PDE1C: variants seen among roughly 807,000 people sequenced by gnomAD.
PDE1C encodes dual specificity calcium/calmodulin-dependent 3',5'-cyclic nucleotide phosphodiesterase 1C.
A neutral mutation model predicts 93.1 loss-of-function variants in PDE1C; 62 were observed. The observed-to-expected ratio is 0.67, with a 90% CI of 0.54 to 0.82. The LOEUF (loss-of-function observed/expected upper bound fraction) is 0.82. PDE1C is among the 40% of genes least tolerant of loss of function. PDE1C has a pLI of 0.00. For synonymous variants in PDE1C, 325 were observed against 310.1 expected (o/e 1.05, Z -0.50); for missense variants, 742 against 884.6 (o/e 0.84, Z 2.04).
At chr7:32,151,689 C>A (rs867252307) in intron 3 of PDE1C, among the ~76,000 whole-genome samples, 1 of 152,078 alleles carries the variant, frequency 6.6e-6, no homozygotes, top group African/African-American at 2.4e-5. Flanking sequence ...CTAGAAAATG[C>A]AAACTAATCT....
At chr7:31,923,147 A>G (rs1235628558) in intron 2 of PDE1C, among the ~76,000 whole-genome samples, 2 of 152,192 alleles carry the variant, frequency 1.3e-5, no homozygotes, top group Admixed American at 6.5e-5. Flanking sequence ...GAAAACATAC[A>G]GAGGTCTTCA....
chr7:31,816,850 G>A (rs918403488), intron 14 of PDE1C, among the ~76,000 whole-genome samples: 6 of 147,208 alleles, frequency 4.1e-5, no homozygotes, highest in African/African-American at 1.5e-4. Context: ...TACCTGGTCT[G>A]TGTCTTTCCT....
Position 31,879,046 on chromosome 7 carries a change from G to C in PDE1C, c.375C>G (p.Pro125=), listed in dbSNP as rs374334951. The C allele has an allele frequency of 4.3e-6, 7 of 1,614,096 alleles. No homozygotes were observed. The highest frequency in any genetic ancestry group is 8.5e-7 in the Non-Finnish European group (1 of 1,180,008). Residue 125 remains proline, a synonymous_variant, in exon 4 of 18, where the codon CCC becomes CCG. Coordinates refer to ENST00000396191, the MANE Select transcript of PDE1C (RefSeq NM_001191057.4). ...CTGCGTGAACGATGCTCTTGAACCG[G>C]GGCTTCTCGTCGCTCCTCCTGAGCA... ...GMMLRRSDEK[P]RFKSIVHAVQ...
chr7:32,273,549 T>C (rs1233114380), intron 1 of PDE1C, among the ~76,000 whole-genome samples: 1 of 152,188 alleles, frequency 6.6e-6, no homozygotes. Flanking sequence ...ACTTCCTTCA[T>C]GGTTCCTTGC....
chr7:32,314,849 C>T (rs1313508242), intron 1 of PDE1C, among the ~76,000 whole-genome samples: 1 of 151,930 alleles, frequency 6.6e-6, no homozygotes, highest in Non-Finnish European at 1.5e-5. Context: ...GAGACATGCT[C>T]CTCCATCTGT....
chr7:32,147,388 T>C (rs1482272729), intron 3 of PDE1C, among the ~76,000 whole-genome samples: 1 of 152,070 alleles, frequency 6.6e-6, no homozygotes, highest in Non-Finnish European at 1.5e-5. Flanking sequence ...TTGGGAAAAA[T>C]ATCAGTGGCC....
intron 4 of PDE1C, among the ~76,000 whole-genome samples, chr7:31,878,312 T>C (rs1775935316): frequency 1.3e-5 from 2 of 152,174 alleles, no homozygotes; most frequent in African/African-American, 4.8e-5. Flanking sequence ...ATGGGTCACT[T>C]CTTCCGCCAG....
rs940495344 is a variant in PDE1C at position 32,155,629 on chromosome 7, G to A, written c.308+14156C>T. ...GCACCTTCCAAGCATTGAGCAGGAT[G>A]CTGACACTGAATCATATCACTTGCA... is the stretch of plus-strand genomic sequence containing the variant. On this transcript the variant is annotated intron_variant, in intron 3 of 18. Coordinates refer to the PDE1C transcript ENST00000396193. 3.9e-5 allele frequency among the ~76,000 whole-genome samples: 6 copies of A among 152,318 alleles called. No individual in the cohort carries two copies. In the East Asian group the frequency reaches 1.2e-3, roughly 29 times the overall value.
chr7:31,890,582 C>T (rs1183696849), intron 2 of PDE1C, among the ~76,000 whole-genome samples: 1 of 152,120 alleles, frequency 6.6e-6, no homozygotes, highest in East Asian at 1.9e-4. Context: ...GTATGATTAT[C>T]CAGAGGAGCT....
intron 2 of PDE1C, among the ~76,000 whole-genome samples, chr7:32,185,434 G>A (rs529966534): frequency 6.6e-6 from 1 of 152,010 alleles, no homozygotes; most frequent in South Asian, 2.1e-4. Context: ...TTTATCCTGG[G>A]AATAGTCTAT....
the PDE1C span, among the ~76,000 whole-genome samples, chr7:31,685,460 G>C: frequency 2.0e-5 from 3 of 152,188 alleles, no homozygotes; most frequent in Non-Finnish European, 4.4e-5. Context: ...ACGACATGTA[G>C]ATCTATTACC....
chr7:31,875,040 T>A (rs1796369594), intron 5 of PDE1C, among the ~76,000 whole-genome samples: 1 of 152,170 alleles, frequency 6.6e-6, no homozygotes, highest in African/African-American at 2.4e-5. Flanking sequence ...CCCTTTAATA[T>A]CCCACTAGGG....
chr7:31,750,495 C>T (rs1238300727), downstream of PDE1C, among the ~76,000 whole-genome samples: 1 of 152,220 alleles, frequency 6.6e-6, no homozygotes, highest in Non-Finnish European at 1.5e-5. Flanking sequence ...TTTTACCATA[C>T]TCCACTCTCT....
At chr7:31,739,690 G>C in the PDE1C span, among the ~76,000 whole-genome samples, 1 of 152,056 alleles carries the variant, frequency 6.6e-6, no homozygotes, top group Non-Finnish European at 1.5e-5. Flanking sequence ...TCCTCCTTAT[G>C]GTCACGTAGA....
At chr7:32,338,250 A>G (rs957496663) in intron 1 of PDE1C, among the ~76,000 whole-genome samples, 4 of 152,204 alleles carry the variant, frequency 2.6e-5, no homozygotes, top group African/African-American at 9.6e-5. Flanking sequence ...GACTATATGA[A>G]GAGCTCCTAC....
At chr7:31,676,684 G>T in the PDE1C span, among the ~76,000 whole-genome samples, 22 of 152,016 alleles carry the variant, frequency 1.4e-4, 1 homozygote, top group South Asian at 4.6e-3. Flanking sequence ...CCAAAGGAAG[G>T]AACTAATAAG....
At chr7:32,194,640 T>G (rs1235468938) in intron 2 of PDE1C, among the ~76,000 whole-genome samples, 1 of 152,242 alleles carries the variant, frequency 6.6e-6, no homozygotes, top group East Asian at 1.9e-4. Flanking sequence ...AATGTTTGCA[T>G]GAGCTGTCAA....
At chr7:32,336,040 C>A (rs1233619976) in intron 1 of PDE1C, among the ~76,000 whole-genome samples, 1 of 152,156 alleles carries the variant, frequency 6.6e-6, no homozygotes, top group Non-Finnish European at 1.5e-5. Flanking sequence ...ATCTGAGATA[C>A]TGGGAGTTAG....
exon 3 of PDE1C, chr7:32,169,799 C>A (rs777690608): frequency 7.4e-6 from 12 of 1,612,432 alleles, no homozygotes; most frequent in African/African-American, 1.3e-5. Context: ...AGGATGTCTT[C>A]ACCAAGACTT....
Sources: gnomAD v4.1 joint callset for allele counts (sites outside exome capture counted in the v4.1 genomes callset) on GRCh38, gnomAD v4.1.1 for gene constraint, MANE v1.5 for transcripts, NCBI Gene and HGNC (gene_info 2026-07-23, HGNC 2026-07-21) for gene names.